KCTD8: variants seen among roughly 807,000 people sequenced by gnomAD.
The protein encoded by KCTD8 is BTB/POZ domain-containing protein KCTD8.
In KCTD8, 27 loss-of-function variants were observed where a neutral mutation model predicts 31.5. The observed-to-expected ratio is 0.86, with a 90% confidence interval of 0.63 to 1.18. The LOEUF is 1.18. KCTD8 is among the 50% of genes most tolerant of loss of function. KCTD8 has a pLI of 0.00. For synonymous variants in KCTD8, 290 were observed against 280.0 expected, an observed-to-expected ratio of 1.04 and a Z score of -0.36; for missense variants, 658 against 647.7, an observed-to-expected ratio of 1.02 and a Z score of -0.17.
At chr4:44,358,739 T>G (rs576011962) in intron 1 of KCTD8, among the ~76,000 whole-genome samples, 1 of 152,194 alleles carries the variant, frequency 6.6e-6, no homozygotes, top group Non-Finnish European at 1.5e-5. Flanking sequence ...CGGTTAATTT[T>G]TTTGTATTTT....
At chr4:44,284,618 A>C (rs1717001487) in intron 1 of KCTD8, among the ~76,000 whole-genome samples, 1 of 152,210 alleles carries the variant, frequency 6.6e-6, no homozygotes, top group Non-Finnish European at 1.5e-5. Flanking sequence ...AAAATTGACA[A>C]ATGGGATCTA....
intron 1 of KCTD8, among the ~76,000 whole-genome samples, chr4:44,234,749 G>A (rs532515611): frequency 9.2e-5 from 14 of 152,252 alleles, no homozygotes; most frequent in African/African-American, 2.2e-4. Flanking sequence ...AAACAGCAGC[G>A]AATATTATAG....
intron 1 of KCTD8, among the ~76,000 whole-genome samples, chr4:44,200,138 A>G (rs1714094069): frequency 6.6e-6 from 1 of 151,888 alleles, no homozygotes; most frequent in Admixed American, 6.6e-5. Context: ...ATTGATAACA[A>G]GTTCTGAAAT....
At position 44,213,757 on chromosome 4, in the gene KCTD8, T is replaced by C. The variant is rs1169946775; in HGVS notation, c.962-38507A>G. Among the ~76,000 whole-genome samples, 4 of 152,290 alleles carry C rather than the reference T, an allele frequency of 2.6e-5. No individual in the cohort carries two copies. In the East Asian group the frequency reaches 7.7e-4, roughly 29 times the overall value. ...TTGACAGACTGTTTATAAATCAATA[T>C]GAGCCATATATTTGGGCTCAGGACA... On this transcript the variant is annotated intron_variant, in intron 1 of 1. Coordinates refer to ENST00000360029, the MANE Select transcript of KCTD8 (RefSeq NM_198353.3).
At chr4:44,355,262 G>T (rs1309519473) in intron 1 of KCTD8, among the ~76,000 whole-genome samples, 1 of 152,074 alleles carries the variant, frequency 6.6e-6, no homozygotes, top group Non-Finnish European at 1.5e-5. Context: ...GAACACCAAT[G>T]TATAATTTAT....
intron 1 of KCTD8, among the ~76,000 whole-genome samples, chr4:44,334,026 A>G (rs2109414083): frequency 6.6e-6 from 1 of 152,274 alleles, no homozygotes; most frequent in East Asian, 1.9e-4. Context: ...ACCCATTTAT[A>G]GCTAATTTAA....
Position 44,448,155 on chromosome 4 carries a change from G to A in KCTD8, c.369C>T (p.His123=), listed in dbSNP as rs780090301. 34 of 1,612,630 alleles carry A rather than the reference G, an allele frequency of 2.1e-5. No homozygotes were observed. Among genetic ancestry groups the A allele is most frequent in the Non-Finnish European group, 2.9e-5 (34 of 1,179,792 alleles). Residue 123 remains histidine (H), a synonymous_variant, in exon 1 of 2, where the codon CAC becomes CAT. Transcript: ENST00000360029. This position sits in a 1 kb window ranked among gnomAD's most constrained non-coding sequence, Gnocchi z 4.1. ...LRDKQLALPE[H]FPEKERLLRE... ...GCAGCAGCCGCTCCTTCTCGGGGAA[G>A]TGCTCCGGCAGCGCGAGTTGCTTGT...
At chr4:44,419,801 G>C (rs193251188) in intron 1 of KCTD8, among the ~76,000 whole-genome samples, 1 of 151,836 alleles carries the variant, frequency 6.6e-6, no homozygotes, top group Non-Finnish European at 1.5e-5. Flanking sequence ...GTATACATAC[G>C]TAACAAACCT....
intron 1 of KCTD8, among the ~76,000 whole-genome samples, chr4:44,345,404 G>A (rs1247691490): frequency 6.6e-6 from 1 of 152,020 alleles, no homozygotes. Flanking sequence ...GTACTCTCTG[G>A]TCAGATTTAT....
intron 1 of KCTD8, among the ~76,000 whole-genome samples, chr4:44,223,678 C>G (rs895400881): frequency 1.3e-5 from 2 of 152,186 alleles, no homozygotes; most frequent in African/African-American, 4.8e-5. Context: ...AAGTACTACA[C>G]TGGCATGGCA....
chr4:44,387,373 T>A (rs1450598681), intron 1 of KCTD8, among the ~76,000 whole-genome samples: 1 of 151,868 alleles, frequency 6.6e-6, no homozygotes, highest in African/African-American at 2.4e-5. Context: ...AAAAAAATGT[T>A]AAAATTCATA....
chr4:44,413,363 G>A (rs539415436), intron 1 of KCTD8, among the ~76,000 whole-genome samples: 9 of 152,128 alleles, frequency 5.9e-5, no homozygotes, highest in Non-Finnish European at 1.2e-4. Flanking sequence ...ACTGGTAACT[G>A]AAACTTTAAA....
intron 1 of KCTD8, among the ~76,000 whole-genome samples, chr4:44,288,392 T>A (rs1006306121): frequency 6.6e-6 from 1 of 152,108 alleles, no homozygotes; most frequent in Non-Finnish European, 1.5e-5. Context: ...GAAATCTAGC[T>A]AACCAAGAGA....
intron 1 of KCTD8, among the ~76,000 whole-genome samples, chr4:44,192,310 G>C (rs757225974): frequency 7.2e-5 from 11 of 151,980 alleles, no homozygotes; most frequent in South Asian, 2.1e-4. Context: ...GAAATTTACT[G>C]TTATATTACT....
intron 1 of KCTD8, among the ~76,000 whole-genome samples, chr4:44,175,770 C>A (rs868626081): frequency 6.6e-6 from 1 of 152,172 alleles, no homozygotes. Context: ...ATCATTTATG[C>A]TTCCAAAGGG....
intron 1 of KCTD8, among the ~76,000 whole-genome samples, chr4:44,276,217 T>C (rs1716746028): frequency 1.3e-5 from 2 of 152,190 alleles, no homozygotes; most frequent in Admixed American, 6.6e-5. Flanking sequence ...ACAATTTCCA[T>C]AATAAGATAC....
intron 1 of KCTD8, among the ~76,000 whole-genome samples, chr4:44,408,861 C>T (rs940929505): frequency 9.2e-5 from 14 of 151,992 alleles, no homozygotes; most frequent in African/African-American, 3.1e-4. Flanking sequence ...TCATGATCTG[C>T]CCACCTCGGC....
At chr4:44,281,922 A>G (rs1361110351) in intron 1 of KCTD8, among the ~76,000 whole-genome samples, 2 of 152,090 alleles carry the variant, frequency 1.3e-5, no homozygotes, top group Non-Finnish European at 2.9e-5. Context: ...CTAGGACTCT[A>G]TTTCATTCCC....
chr4:44,186,078 C>T (rs1457373273), intron 1 of KCTD8, among the ~76,000 whole-genome samples: 1 of 152,120 alleles, frequency 6.6e-6, no homozygotes, highest in African/African-American at 2.4e-5. Flanking sequence ...CCTGTCACGC[C>T]CCAATCCTGG....
Sources: allele counts gnomAD v4.1 joint callset (sites outside exome capture counted in the v4.1 genomes callset), GRCh38; gene constraint gnomAD v4.1.1; non-coding constraint Gnocchi (gnomAD v3.1); transcripts MANE v1.5; gene names NCBI Gene and HGNC (gene_info 2026-07-23, HGNC 2026-07-21).